The following CFI variants were observed in gnomAD, a reference collection of about 807,000 sequenced individuals.
The protein encoded by CFI is complement factor I.
A neutral mutation model predicts 78.8 loss-of-function variants in CFI; 66 were observed. The observed-to-expected ratio is 0.84, with a 90% CI of 0.69 to 1.03. The LOEUF (loss-of-function observed/expected upper bound fraction) is 1.03, where lower values mean the gene tolerates loss of function less well. Among genes scored for constraint, CFI ranks in the 50% least tolerant of loss-of-function variants. The probability of loss-of-function intolerance (pLI) is 0.00; values close to 1 mark genes in which losing one functional copy is unlikely to be tolerated. For synonymous variants in CFI, 250 were observed against 232.6 expected, an observed-to-expected ratio of 1.07 and a Z score of -0.68; for missense variants, 706 against 704.5, an observed-to-expected ratio of 1.00 and a Z score of -0.02.
At chr4:109,737,157 C>A (rs1723419699), downstream of CFI, among the ~76,000 whole-genome samples, 2 of 152,234 alleles carry the variant, frequency 1.3e-5, no homozygotes, top group South Asian at 4.2e-4. Flanking sequence ...ACTTCCAATA[C>A]ATCTTCCTTG....
rs376699296 is a variant in CFI at position 109,794,485 on chromosome 4, T to C, written c.57+7430A>G. The C allele has an allele frequency of 6.6e-5, 10 of 152,318 alleles. No homozygotes were observed. In the East Asian group the frequency reaches 1.5e-3, roughly 24 times the overall value. The allele number at this position is 152,318 out of a possible 1,614,324, so 9.4% of individuals were successfully genotyped here. A position where few individuals can be genotyped will look rare whatever the true frequency, so the allele number is the denominator to read the frequency against. ...TTTCAACTCCAGAAGTTTTGTCTAG[T>C]TCCTTTTTAAAATTTCTATTTGTTG... On this transcript the variant is annotated intron_variant, in intron 1 of 12. Transcript: ENST00000394634.
intron 1 of CFI, among the ~76,000 whole-genome samples, chr4:109,777,720 A>G (rs1186070721): frequency 6.6e-6 from 1 of 152,198 alleles, no homozygotes; most frequent in Non-Finnish European, 1.5e-5. Context: ...AAAACTGACC[A>G]CATAGTTGGA....
intron 1 of CFI, among the ~76,000 whole-genome samples, chr4:109,785,666 C>T (rs1190265933): frequency 6.6e-6 from 1 of 151,966 alleles, no homozygotes; most frequent in East Asian, 1.9e-4. Context: ...GTGTCCCCAC[C>T]CAAATCTCAT....
chr4:109,735,332 AC>A, the CFI span, among the ~76,000 whole-genome samples: 1 of 152,202 alleles, frequency 6.6e-6, no homozygotes. Flanking sequence ...TCTTCTAGAA[AC>A]ACCAAATGGT....
Position 109,742,544 on chromosome 4 carries a change from T to G in CFI, c.1481A>C (p.Asn494Thr), listed in dbSNP as rs1723931486. 6.2e-7 allele frequency: 1 copy of G among 1,613,718 alleles called. No individual in the cohort carries two copies. Among genetic ancestry groups the G allele is most frequent in the Admixed American group, 1.7e-5 (1 of 59,984 alleles). The change falls in exon 12 of 13, where the codon AAC (asparagine) becomes ACC (threonine). Residue 494 changes from asparagine (N) to threonine (T), a missense_variant. Asn to Thr is a moderately conservative substitution (Grantham distance 65). Transcript: ENST00000394634. ...ACGATTTCCGTAAAACTTAGAGCAGTTGCTTATTAGTTTAACTTCACCCCA... is the reference window on the plus strand; with the variant it reads ...ACGATTTCCGTAAAACTTAGAGCAGGTGCTTATTAGTTTAACTTCACCCCA... ...LQWGEVKLIS[N>T]CSKFYGNRFY...
chr4:109,751,303 A>C (rs1376084841), intron 8 of CFI, among the ~76,000 whole-genome samples: 1 of 152,130 alleles, frequency 6.6e-6, no homozygotes, highest in Non-Finnish European at 1.5e-5. Context: ...CTTTTGAAGG[A>C]AGAGGGATCT....
At chr4:109,749,123 T>G in intron 10 of CFI, 95 bp downstream of exon 10, 1 of 1,108,006 alleles carries the variant, frequency 9.0e-7, no homozygotes, top group Non-Finnish European at 1.4e-6. Context: ...AGTTTGTCAG[T>G]ACCTTTTTCA....
intron 1 of CFI, among the ~76,000 whole-genome samples, chr4:109,779,857 A>T (rs1163734158): frequency 6.6e-6 from 1 of 152,188 alleles, no homozygotes; most frequent in Non-Finnish European, 1.5e-5. Flanking sequence ...GATCTTTGAC[A>T]AACCTGACAA....
intron 6 of CFI, among the ~76,000 whole-genome samples, chr4:109,758,502 T>G (rs1362428163): frequency 1.3e-5 from 2 of 152,252 alleles, no homozygotes; most frequent in Non-Finnish European, 2.9e-5. Context: ...CTCATTGCTT[T>G]GAAACTTGGT....
intron 1 of CFI, among the ~76,000 whole-genome samples, chr4:109,786,620 C>T (rs1036391086): frequency 6.6e-6 from 1 of 152,014 alleles, no homozygotes; most frequent in Non-Finnish European, 1.5e-5. Context: ...GAAAAGTCCA[C>T]CCCTTTCCCT....
intron 1 of CFI, among the ~76,000 whole-genome samples, chr4:109,769,362 AC>A (rs1560549108): frequency 6.6e-6 from 1 of 152,164 alleles, no homozygotes; most frequent in Non-Finnish European, 1.5e-5. Context: ...TGAAGCTCTG[AC>A]CTTCATGTCA....
chr4:109,779,098 C>T (rs925331106), intron 1 of CFI, among the ~76,000 whole-genome samples: 5 of 152,150 alleles, frequency 3.3e-5, no homozygotes, highest in African/African-American at 7.2e-5. Context: ...TCTCTCACCA[C>T]TCCTATTCAA....
At chr4:109,739,672 G>C (rs1466165913), downstream of CFI, among the ~76,000 whole-genome samples, 1 of 152,144 alleles carries the variant, frequency 6.6e-6, no homozygotes, top group Non-Finnish European at 1.5e-5. Context: ...ACTAATCTGA[G>C]GTTCTAGGAA....
chr4:109,763,116 G>A (rs1398462970), intron 3 of CFI, among the ~76,000 whole-genome samples: 1 of 152,038 alleles, frequency 6.6e-6, no homozygotes. Context: ...CCAAGAAGTT[G>A]GTAAACATGA....
chr4:109,787,596 G>GT (rs201113074), intron 1 of CFI, among the ~76,000 whole-genome samples: 46 of 147,504 alleles, frequency 3.1e-4, no homozygotes, highest in East Asian at 6.0e-4. Flanking sequence ...AAGGTCTTTT[G>GT]TTTTTTTTTT....
downstream of CFI, among the ~76,000 whole-genome samples, chr4:109,736,891 C>A (rs1723403650): frequency 1.3e-5 from 2 of 152,062 alleles, no homozygotes; most frequent in Non-Finnish European, 2.9e-5. Context: ...AATCTGATTC[C>A]ATTCCTCTAC....
At chr4:109,785,298 A>C (rs1365025591) in intron 1 of CFI, among the ~76,000 whole-genome samples, 4 of 152,088 alleles carry the variant, frequency 2.6e-5, no homozygotes, top group Non-Finnish European at 4.4e-5. Context: ...AATAAAGTGA[A>C]AAATTTTAAA....
chr4:109,758,947 G>A (rs1049140423), intron 6 of CFI, among the ~76,000 whole-genome samples: 2 of 152,170 alleles, frequency 1.3e-5, no homozygotes, highest in Admixed American at 6.6e-5. Flanking sequence ...AGAAAAATTA[G>A]CCAAGCGTGA....
chr4:109,764,829 C>T (rs1727533134), intron 2 of CFI, 139 bp from the exon 3 acceptor site: 1 of 797,968 alleles, frequency 1.3e-6, no homozygotes, highest in East Asian at 2.7e-5. Flanking sequence ...TAATAGTAAG[C>T]AATCATTTTA....
Sources: allele counts gnomAD v4.1 joint callset (sites outside exome capture counted in the v4.1 genomes callset), GRCh38; gene constraint gnomAD v4.1.1; transcripts MANE v1.5; gene names NCBI Gene and HGNC (gene_info 2026-07-23, HGNC 2026-07-21).